The following LARP6 variants were observed in gnomAD, a reference collection of about 807,000 sequenced individuals.
The protein encoded by LARP6 is La ribonucleoprotein 6, translational regulator, also known as la-related protein 6.
A neutral mutation model predicts 32.8 loss-of-function variants in LARP6; 18 were observed. That is an observed-to-expected ratio of 0.55 (90% CI 0.38 to 0.81). The LOEUF (loss-of-function observed/expected upper bound fraction) is 0.81. LARP6 is among the 40% of genes least tolerant of loss of function. The probability of loss-of-function intolerance (pLI) is 0.00; values close to 1 mark genes in which losing one functional copy is unlikely to be tolerated. For missense variants in LARP6, 598 were observed against 663.1 expected, an observed-to-expected ratio of 0.90 and a Z score of 1.08; for synonymous variants, 289 against 267.2, an observed-to-expected ratio of 1.08 and a Z score of -0.80.
At position 70,833,112 on chromosome 15, in the gene LARP6, T is replaced by G; in HGVS notation, c.416A>C (p.Lys139Thr). Reference sequence around the variant, plus strand: ...GGTTCTCCAGTCCCGTGTAAGATGTTTCACCTGCAGAACATAAAGCAAATC... The same window carrying G: ...GGTTCTCCAGTCCCGTGTAAGATGTGTCACCTGCAGAACATAAAGCAAATC... Reference protein sequence around the residue: ...VKLLTSFKKVKHLTRDWRTTA... With the variant: ...VKLLTSFKKVTHLTRDWRTTA... The change falls in exon 3 of 3, where the codon AAA becomes ACA. Residue 139 changes from lysine to threonine, a missense_variant. By Grantham distance (78) the Lys-to-Thr change is moderately conservative. Coordinates refer to ENST00000299213, the MANE Select transcript of LARP6 (RefSeq NM_018357.4). 6.2e-7 allele frequency: 1 copy of G among 1,613,692 alleles called. No individual in the cohort carries two copies. The highest frequency in any genetic ancestry group is 8.5e-7 in the Non-Finnish European group (1 of 1,179,622).
In LARP6 at chr15:70,831,904, T is replaced by G. The variant is rs536921686; in HGVS notation, c.*148A>C. 1 of 542,580 alleles carries G rather than the reference T, an allele frequency of 1.8e-6. No homozygotes were observed. Among genetic ancestry groups the G allele is most frequent in the African/African-American group, 1.9e-5 (1 of 51,474 alleles). The allele number at this position is 542,580 out of a possible 1,614,324, so 33.6% of individuals were successfully genotyped here. A position where few individuals can be genotyped will look rare whatever the true frequency, so the allele number is the denominator to read the frequency against. Reference sequence around the variant, plus strand: ...TCAAACCATGGCGTACCGATTTATGTATATTACAGATAGATAAATTAAGAG... The same window carrying G: ...TCAAACCATGGCGTACCGATTTATGGATATTACAGATAGATAAATTAAGAG... On this transcript the variant is annotated 3_prime_UTR_variant, in exon 3 of 3. Coordinates refer to ENST00000299213, the MANE Select transcript of LARP6 (RefSeq NM_018357.4).
rs1326465265 is a variant in LARP6 at position 70,836,306 on chromosome 15, A to T, written c.400T>A (p.Ser134Thr). The T allele has an allele frequency of 1.2e-6, 2 of 1,614,106 alleles. No individual in the cohort carries two copies. The highest frequency in any genetic ancestry group is 2.2e-5 in the East Asian group (1 of 44,892). ...LGYVSVKLLT[S>T]FKKVKHLTRD... ...GAACCAAGCCTCACCTTTTTGAAGG[A>T]TGTGAGTAGCTTAACGCTCACATAT... The change falls in exon 2 of 3, where the codon TCC becomes ACC. Residue 134 changes from serine to threonine, a missense_variant. Ser to Thr is a moderately conservative substitution (Grantham distance 58). Around this residue, in one of 3 missense-constraint regions of LARP6, gnomAD observed 69 missense variants for 116.7 expected, o/e 0.59. Coordinates refer to ENST00000299213, the MANE Select transcript of LARP6 (RefSeq NM_018357.4).
In LARP6 at chr15:70,832,607, G is replaced by A. The variant is rs760442315; in HGVS notation, c.921C>T (p.Asp307=). ...KKKPAKDKNH[D]EEPTASIHLN... ...GGTGGATGCTCGCAGTGGGCTCCTCGTCATGATTTTTGTCTTTGGCAGGTT... is the reference window on the plus strand; with the variant it reads ...GGTGGATGCTCGCAGTGGGCTCCTCATCATGATTTTTGTCTTTGGCAGGTT... Residue 307 remains aspartate, a synonymous_variant, in exon 3 of 3, where the codon GAC becomes GAT. Coordinates refer to ENST00000299213, the MANE Select transcript of LARP6 (RefSeq NM_018357.4). The A allele has an allele frequency of 1.0e-5, 16 of 1,604,456 alleles. No homozygotes were observed. The South Asian group carries it at 1.3e-4, about 13-fold the overall frequency.
At chr15:70,835,077 G>A (rs2032122922) in intron 2 of LARP6, among the ~76,000 whole-genome samples, 2 of 152,182 alleles carry the variant, frequency 1.3e-5, no homozygotes, top group African/African-American at 4.8e-5. Context: ...GATTCCACTG[G>A]CTGCTTCATT....
At chr15:70,851,749 C>A in intron 1 of LARP6, 4 of 1,613,858 alleles carry the variant, frequency 2.5e-6, no homozygotes, top group Non-Finnish European at 1.7e-6. Context: ...GATAGAATCA[C>A]AATTGTGGAA....
intron 1 of LARP6, among the ~76,000 whole-genome samples, chr15:70,844,651 T>G (rs2032316234): frequency 6.6e-6 from 1 of 152,232 alleles, no homozygotes; most frequent in African/African-American, 2.4e-5. Flanking sequence ...TGTTTATTTT[T>G]TCTTTCATAT....
chr15:70,841,332 T>G (rs2032254921), intron 1 of LARP6, among the ~76,000 whole-genome samples: 1 of 152,212 alleles, frequency 6.6e-6, no homozygotes, highest in Non-Finnish European at 1.5e-5. Flanking sequence ...ATGGAGAGGA[T>G]AGAGTTCATC....
At chr15:70,836,220 TAA>T in intron 2 of LARP6, 73 bp downstream of exon 2, 1 of 1,290,064 alleles carries the variant, frequency 7.8e-7, no homozygotes, top group Non-Finnish European at 1.1e-6. Flanking sequence ...TCAAGGGAGT[TAA>T]AAAAAATGTT....
chr15:70,837,441 T>C (rs1211124666), intron 1 of LARP6, among the ~76,000 whole-genome samples: 1 of 152,194 alleles, frequency 6.6e-6, no homozygotes, highest in African/African-American at 2.4e-5. Context: ...TATGTGGCGC[T>C]CTGCCACGGG....
intron 1 of LARP6, among the ~76,000 whole-genome samples, chr15:70,845,091 GCT>G (rs1567022665): frequency 6.6e-6 from 1 of 152,086 alleles, no homozygotes; most frequent in African/African-American, 2.4e-5. Flanking sequence ...ACCCAGGCTT[GCT>G]CTGTTATAAA....
intron 1 of LARP6, among the ~76,000 whole-genome samples, chr15:70,847,729 C>T (rs943555338): frequency 1.3e-5 from 2 of 151,930 alleles, no homozygotes; most frequent in Admixed American, 6.6e-5. Context: ...CATAAAATAT[C>T]GAATCTGGTT....
chr15:70,854,122 AC>A lies in LARP6; in HGVS notation c.-35del. 8.1e-7 allele frequency: 1 copy of A among 1,228,328 alleles called. No homozygotes were observed. Among genetic ancestry groups the A allele is most frequent in the Non-Finnish European group, 1.0e-6 (1 of 982,360 alleles). 76.1% of individuals were successfully genotyped at this position (1,228,328 alleles called of 1,614,324 possible). A position where few individuals can be genotyped will look rare whatever the true frequency, so the allele number is the denominator to read the frequency against. On this transcript the variant is annotated 5_prime_UTR_variant, in exon 1 of 3. Transcript: ENST00000299213. ...GGACTGCGGCGCCGCCGGGGTCCTC[AC>A]GCCGCAAGGCCCAGCCAGCCGGTCG...
intron 1 of LARP6, chr15:70,851,798 G>A: frequency 6.3e-7 from 1 of 1,593,992 alleles, no homozygotes; most frequent in African/African-American, 1.3e-5. Context: ...TACAGCAACA[G>A]AGAAGAAAGG....
At chr15:70,836,654 G>T (rs2032154092) in intron 1 of LARP6, 149 bp from the exon 2 acceptor site, 2 of 657,294 alleles carry the variant, frequency 3.0e-6, no homozygotes, top group Non-Finnish European at 5.3e-6. Context: ...ATTAAGATGA[G>T]GTCTTACTGG....
chr15:70,832,922 G>A lies in LARP6; in HGVS notation c.606C>T (p.Thr202=). ...YLSPKLWALA[T]PQKNGRVQEK... is the part of the protein sequence containing the mutation. The stretch of plus-strand genomic sequence containing the variant: ...CTTGCACCCTTCCATTCTTCTGGGG[G>A]GTGGCCAGAGCCCACAGCTTAGGAG... The change falls in exon 3 of 3, where the codon ACC becomes ACT. Residue 202 remains threonine, a synonymous_variant. Coordinates refer to ENST00000299213, the MANE Select transcript of LARP6 (RefSeq NM_018357.4). 1 of 1,601,764 alleles carries A rather than the reference G, an allele frequency of 6.2e-7. No individual in the cohort carries two copies. The highest frequency in any genetic ancestry group is 1.1e-5 in the South Asian group (1 of 88,896).
intron 1 of LARP6, among the ~76,000 whole-genome samples, chr15:70,837,196 C>T (rs752996409): frequency 7.1e-6 from 1 of 141,504 alleles, no homozygotes; most frequent in Non-Finnish European, 1.6e-5. Context: ...CAGAGTGGGA[C>T]CCCTGTTGCT....
chr15:70,843,170 C>G (rs752527283), intron 1 of LARP6, among the ~76,000 whole-genome samples: 1 of 152,148 alleles, frequency 6.6e-6, no homozygotes, highest in Non-Finnish European at 1.5e-5. Context: ...TGTGTCCTTT[C>G]ACTCTCTCTT....
At chr15:70,851,631 A>G (rs2032455714) in intron 1 of LARP6, 5 of 1,612,416 alleles carry the variant, frequency 3.1e-6, no homozygotes, top group Non-Finnish European at 4.2e-6. Context: ...TCAGTCAACA[A>G]ACATGTCCTA....
intron 1 of LARP6, among the ~76,000 whole-genome samples, chr15:70,844,573 A>G (rs1464797325): frequency 2.0e-5 from 3 of 152,190 alleles, no homozygotes; most frequent in African/African-American, 7.2e-5. Flanking sequence ...GGGCTAAGTC[A>G]TTTGCTAAGA....
Sources: allele counts gnomAD v4.1 joint callset (sites outside exome capture counted in the v4.1 genomes callset), GRCh38; gene constraint gnomAD v4.1.1; regional missense constraint gnomAD v4.1.1; transcripts MANE v1.5; gene names NCBI Gene and HGNC (gene_info 2026-07-23, HGNC 2026-07-21).